Variants in EGFLAM observed in about 807,000 individuals in gnomAD.
EGFLAM encodes pikachurin.
Under a neutral mutation model 113.1 loss-of-function variants are expected in EGFLAM, and 79 were observed. That is an observed-to-expected ratio of 0.70 (90% CI 0.58 to 0.84). The LOEUF is 0.84. EGFLAM is among the 40% of genes least tolerant of loss of function. The pLI is 0.00. For missense variants in EGFLAM, 1,265 were observed against 1,291.6 expected (o/e 0.98, Z 0.32); for synonymous variants, 504 against 487.6 (o/e 1.03, Z -0.44).
intron 20 of EGFLAM, chr5:38,461,108 A>G (rs1454816957): frequency 6.6e-6 from 1 of 152,238 alleles, no homozygotes; most frequent in Non-Finnish European, 1.5e-5. Context: ...TGTATCAGGT[A>G]TCATGCCCTG....
chr5:38,432,136 G>A (rs1456489415), intron 15 of EGFLAM, among the ~76,000 whole-genome samples: 3 of 152,012 alleles, frequency 2.0e-5, no homozygotes, highest in Non-Finnish European at 4.4e-5. Flanking sequence ...AAAATAGAGG[G>A]GACTTTAGAT....
chr5:38,459,642 G>A (rs527857256), intron 20 of EGFLAM, among the ~76,000 whole-genome samples: 32 of 152,292 alleles, frequency 2.1e-4, no homozygotes, highest in African/African-American at 6.7e-4. Context: ...GGAAGCCAGT[G>A]GGTAAAGTCA....
At chr5:38,415,648 C>A (rs577359400) in intron 11 of EGFLAM, among the ~76,000 whole-genome samples, 1 of 152,344 alleles carries the variant, frequency 6.6e-6, no homozygotes, top group Admixed American at 6.5e-5. Context: ...AATAGCCCTG[C>A]ACTTCAGCCT....
chr5:38,273,004 A>AGATCCATGCATGAAAAT lies in EGFLAM; in HGVS notation c.97+14153_97+14154insGATCCATGCATGAAAAT, dbSNP rs1261551591. Among the ~76,000 whole-genome samples, 263 of 152,330 alleles carry AGATCCATGCATGAAAAT rather than the reference A, an allele frequency of 1.7e-3. 1 individual carries two copies. The highest frequency in any genetic ancestry group is 3.2e-3 in the Non-Finnish European group (218 of 68,040). Reference sequence around the variant, plus strand: ...CCCCTGCATAAACATCTATTTGAATAACTATCCATGCATGAAAATACTTCA... The same window carrying AGATCCATGCATGAAAAT: ...CCCCTGCATAAACATCTATTTGAATAGATCCATGCATGAAAATACTATCCATGCATGAAAATACTTCA... On this transcript the variant is annotated intron_variant, in intron 1 of 21. Transcript: ENST00000322350.
intron 5 of EGFLAM, among the ~76,000 whole-genome samples, chr5:38,369,608 T>C (rs1740152295): frequency 6.6e-6 from 1 of 152,212 alleles, no homozygotes. Flanking sequence ...ATTTTACAGA[T>C]GGGAAAACTG....
chr5:38,284,394 C>T (rs1417515841), intron 1 of EGFLAM, among the ~76,000 whole-genome samples: 1 of 152,158 alleles, frequency 6.6e-6, no homozygotes, highest in Non-Finnish European at 1.5e-5. Flanking sequence ...CTTGCAACTA[C>T]TCAGCTCCAC....
chr5:38,375,184 G>A (rs1408458576), intron 6 of EGFLAM, among the ~76,000 whole-genome samples: 1 of 150,564 alleles, frequency 6.6e-6, no homozygotes, highest in Admixed American at 6.6e-5. Flanking sequence ...ATACAGAAAT[G>A]TGGGTAAAAC....
chr5:38,261,535 A>G lies in EGFLAM; in HGVS notation c.97+2684A>G, dbSNP rs576091548. 1.4e-4 allele frequency among the ~76,000 whole-genome samples: 21 copies of G among 152,282 alleles called. 1 individual carries two copies. Among genetic ancestry groups the G allele is most frequent in the African/African-American group, 5.1e-4 (21 of 41,556 alleles). ...TAGTAAGCGGTGGAATGGAAATTTAAACTCTGATATTCAGGACCAGAAACT... is the reference window on the plus strand; with the variant it reads ...TAGTAAGCGGTGGAATGGAAATTTAGACTCTGATATTCAGGACCAGAAACT... On this transcript the variant is annotated intron_variant, in intron 1 of 21. Transcript: ENST00000322350.
At chr5:38,357,967 ATTTT>A (rs70978882) in intron 5 of EGFLAM, among the ~76,000 whole-genome samples, 2 of 119,434 alleles carry the variant, frequency 1.7e-5, no homozygotes, top group African/African-American at 3.2e-5. Context: ...GGTTAAGTGA[ATTTT>A]TTTTTTTTTT....
At chr5:38,312,334 T>C (rs1179384889) in intron 1 of EGFLAM, among the ~76,000 whole-genome samples, 6 of 151,480 alleles carry the variant, frequency 4.0e-5, no homozygotes, top group African/African-American at 9.7e-5. Flanking sequence ...CTCCACCTCC[T>C]AGGTTCATGC....
intron 1 of EGFLAM, among the ~76,000 whole-genome samples, chr5:38,275,480 G>A (rs566834046): frequency 1.2e-4 from 19 of 152,178 alleles, no homozygotes; most frequent in Admixed American, 4.6e-4. Context: ...AAAAAAGGTC[G>A]GTATATAATG....
chr5:38,460,486 G>T (rs1317988079), intron 20 of EGFLAM, among the ~76,000 whole-genome samples: 1 of 152,214 alleles, frequency 6.6e-6, no homozygotes, highest in Non-Finnish European at 1.5e-5. Flanking sequence ...AGATGTTTGG[G>T]AGGGATAAGG....
intron 5 of EGFLAM, among the ~76,000 whole-genome samples, chr5:38,367,701 C>T (rs983896105): frequency 6.6e-6 from 1 of 152,070 alleles, no homozygotes; most frequent in African/African-American, 2.4e-5. Context: ...TGATTTTCTT[C>T]AGTCAAAAAA....
chr5:38,272,615 G>A, intron 1 of EGFLAM, among the ~76,000 whole-genome samples: 1 of 152,190 alleles, frequency 6.6e-6, no homozygotes, highest in East Asian at 1.9e-4. Context: ...GCAGCCAAAA[G>A]CTAGAGTGTT....
intron 13 of EGFLAM, 32 bp downstream of exon 13, chr5:38,425,124 A>C (rs1361358127): frequency 6.2e-7 from 1 of 1,606,630 alleles, no homozygotes; most frequent in East Asian, 2.2e-5. Flanking sequence ...GGCGGTTTCT[A>C]TCTGCATGTT....
At chr5:38,448,461 T>A in intron 18 of EGFLAM, 82 bp downstream of exon 18, 1 of 1,400,390 alleles carries the variant, frequency 7.1e-7, no homozygotes, top group East Asian at 2.3e-5. Context: ...TTCTTATATT[T>A]CATGCCAGAA....
chr5:38,331,669 A>G (rs1211154422), intron 1 of EGFLAM, among the ~76,000 whole-genome samples: 1 of 152,116 alleles, frequency 6.6e-6, no homozygotes, highest in Admixed American at 6.6e-5. Context: ...AGCCACCTTT[A>G]AGACTATGTT....
chr5:38,406,934 C>A lies in EGFLAM; in HGVS notation c.935C>A (p.Thr312Asn). ...PKTISRLIPP[T>N]SASLPVTTVA... ...ACCATTTCTAGGCTCATCCCCCCTACCTCAGCATCTCTCCCTGTGACCACG... is the reference window on the plus strand; with the variant it reads ...ACCATTTCTAGGCTCATCCCCCCTAACTCAGCATCTCTCCCTGTGACCACG... The change falls in exon 8 of 22, where the codon ACC becomes AAC. Residue 312 changes from threonine (T) to asparagine (N), a missense_variant. Transcript: ENST00000322350. 1 of 1,614,212 alleles carries A rather than the reference C, an allele frequency of 6.2e-7. No homozygotes were observed. The highest frequency in any genetic ancestry group is 8.5e-7 in the Non-Finnish European group (1 of 1,180,044).
At chr5:38,443,389 C>T (rs1199111333) in intron 17 of EGFLAM, among the ~76,000 whole-genome samples, 2 of 152,156 alleles carry the variant, frequency 1.3e-5, no homozygotes, top group Non-Finnish European at 2.9e-5. Flanking sequence ...AAGGGGATTT[C>T]TTTTCTGTGG....
Sources: gnomAD v4.1 joint callset for allele counts (sites outside exome capture counted in the v4.1 genomes callset) on GRCh38, gnomAD v4.1.1 for gene constraint, MANE v1.5 for transcripts, NCBI Gene and HGNC (gene_info 2026-07-23, HGNC 2026-07-21) for gene names.